PRRC1: variants seen among roughly 807,000 people sequenced by gnomAD.
PRRC1 encodes the protein proline rich coiled-coil 1, also known as protein PRRC1.
A neutral mutation model predicts 40.7 loss-of-function variants in PRRC1; 39 were observed. The observed-to-expected ratio is 0.96, with a 90% CI of 0.74 to 1.25. PRRC1 has a LOEUF of 1.25. Ranked by LOEUF, PRRC1 falls within the 50% of genes most tolerant of loss-of-function variation. The pLI, the probability that PRRC1 is intolerant of heterozygous loss-of-function variation, is 0.00. For missense variants in PRRC1, 573 were observed against 548.3 expected (o/e 1.05, Z -0.45); for synonymous variants, 175 against 193.3 (o/e 0.91, Z 0.79).
rs1708524035 is a variant in PRRC1 at position 127,524,776 on chromosome 5, C to T, written c.349C>T (p.Pro117Ser). The T allele has an allele frequency of 6.2e-7, 1 of 1,614,176 alleles. No homozygotes were observed. The highest frequency in any genetic ancestry group is 8.5e-7 in the Non-Finnish European group (1 of 1,180,028). ...TCACTTCCCACCTTCAACTTCTGCCCCAAACACTCTTTTACCTGCACCCCC... is the reference window on the plus strand; with the variant it reads ...TCACTTCCCACCTTCAACTTCTGCCTCAAACACTCTTTTACCTGCACCCCC... ...VSHFPPSTSA[P>S]NTLLPAPPSG... Residue 117 changes from proline to serine, a missense_variant, in exon 3 of 9, where the codon CCA becomes TCA. By Grantham distance (74) the Pro-to-Ser change is moderately conservative (BLOSUM62 -1). Coordinates refer to ENST00000296666, the MANE Select transcript of PRRC1 (RefSeq NM_130809.5).
chr5:127,536,582 T>C (rs1213863388), intron 6 of PRRC1, among the ~76,000 whole-genome samples: 3 of 152,030 alleles, frequency 2.0e-5, no homozygotes, highest in Non-Finnish European at 4.4e-5. Context: ...TTAGACAAAA[T>C]GGTGAGTACA....
intron 6 of PRRC1, among the ~76,000 whole-genome samples, chr5:127,534,060 A>G (rs952096737): frequency 6.6e-6 from 1 of 152,226 alleles, no homozygotes; most frequent in African/African-American, 2.4e-5. Flanking sequence ...TTCTTAATCC[A>G]GCATTAACAT....
chr5:127,545,866 TTC>T (rs368507973), intron 7 of PRRC1, among the ~76,000 whole-genome samples: 3 of 152,210 alleles, frequency 2.0e-5, no homozygotes, highest in East Asian at 1.9e-4. Context: ...TTTTAGGATT[TTC>T]TCTGTCGTTT....
intron 7 of PRRC1, among the ~76,000 whole-genome samples, chr5:127,547,314 A>G (rs1768253493): frequency 6.6e-6 from 1 of 152,154 alleles, no homozygotes; most frequent in South Asian, 2.1e-4. Flanking sequence ...AATAATTCAG[A>G]AATTGTGATT....
Position 127,533,484 on chromosome 5 carries a change from AG to A in PRRC1, c.758-138del, listed in dbSNP as rs1392510172. 2.6e-5 allele frequency: 20 copies of A among 777,280 alleles called. No homozygotes were observed. The African/African-American group carries it at 2.8e-4, about 11-fold the overall frequency. The allele number at this position is 777,280 out of a possible 1,614,324, so 48.1% of individuals were successfully genotyped here. On this transcript the variant is annotated intron_variant, in intron 5 of 8. Transcript: ENST00000296666. ...CTCAGTTTTCTCAAGCATATAAAAA[AG>A]ATAATGATCTATATCTTGCATGGTT... is the stretch of plus-strand genomic sequence containing the variant.
chr5:127,536,839 A>G (rs1407936938), intron 6 of PRRC1, among the ~76,000 whole-genome samples: 2 of 152,010 alleles, frequency 1.3e-5, no homozygotes, highest in African/African-American at 4.8e-5. Context: ...AATATATAAG[A>G]AAGTGATTTG....
chr5:127,549,604 A>G (rs1768318551), intron 8 of PRRC1: 1 of 152,210 alleles, frequency 6.6e-6, no homozygotes, highest in Admixed American at 6.5e-5. Flanking sequence ...AATAAATAAA[A>G]CACTGAAAAC....
chr5:127,520,229 A>G (rs1217506331), intron 1 of PRRC1, among the ~76,000 whole-genome samples: 1 of 152,222 alleles, frequency 6.6e-6, no homozygotes, highest in East Asian at 1.9e-4. Context: ...GACATTGCCA[A>G]GTGACCCCTT....
chr5:127,545,077 C>A (rs1000405185), intron 7 of PRRC1, among the ~76,000 whole-genome samples: 19 of 152,186 alleles, frequency 1.2e-4, no homozygotes, highest in African/African-American at 3.9e-4. Flanking sequence ...CACATCAAAA[C>A]CACAATGAGA....
chr5:127,545,337 CAT>C (rs1188498754), intron 7 of PRRC1, among the ~76,000 whole-genome samples: 1 of 152,028 alleles, frequency 6.6e-6, no homozygotes, highest in African/African-American at 2.4e-5. Context: ...CACATGCACA[CAT>C]ATGTTTATTG....
intron 4 of PRRC1, 77 bp from the exon 5 acceptor site, chr5:127,530,217 A>G (rs1767730418): frequency 7.7e-7 from 1 of 1,301,768 alleles, no homozygotes; most frequent in Non-Finnish European, 1.1e-6. Context: ...CTTTTAAAAA[A>G]GTTTTCTTCA....
At position 127,524,682 on chromosome 5, in the gene PRRC1, A is replaced by G. The variant is rs769405114; in HGVS notation, c.255A>G (p.Pro85=). Residue 85 remains proline, a synonymous_variant, in exon 3 of 9, where the codon CCA becomes CCG. Transcript: ENST00000296666. Reference sequence around the variant, plus strand: ...CTCCTGCAGTTCCTTCTGTCCCACCACTTGTTACTTCTATGCCACCTCCTG... The same window carrying G: ...CTCCTGCAGTTCCTTCTGTCCCACCGCTTGTTACTTCTATGCCACCTCCTG... The part of the protein sequence containing the change: ...VPPPAVPSVP[P]LVTSMPPPVS... 5.0e-6 allele frequency: 8 copies of G among 1,613,952 alleles called. No homozygotes were observed. The highest frequency in any genetic ancestry group is 6.8e-6 in the Non-Finnish European group (8 of 1,179,980).
chr5:127,534,035 G>C (rs569867469), intron 6 of PRRC1, among the ~76,000 whole-genome samples: 96 of 152,264 alleles, frequency 6.3e-4, no homozygotes, highest in African/African-American at 2.2e-3. Flanking sequence ...GGAATAGTTA[G>C]TCCTAAAAGA....
chr5:127,522,274 A>T (rs1163695954), intron 1 of PRRC1, among the ~76,000 whole-genome samples: 1 of 152,186 alleles, frequency 6.6e-6, no homozygotes, highest in Non-Finnish European at 1.5e-5. Context: ...ATCTAATGGC[A>T]TTTTTGCTAT....
chr5:127,524,951 G>A, intron 3 of PRRC1, 31 bp downstream of exon 3: 1 of 1,523,660 alleles, frequency 6.6e-7, no homozygotes, highest in South Asian at 1.3e-5. Flanking sequence ...GAAATACATG[G>A]CTATTAATTA....
At position 127,533,705 on chromosome 5, in the gene PRRC1, CT is replaced by C; in HGVS notation, c.843del (p.Phe281LeufsTer3). On this transcript the variant is annotated frameshift_variant, in exon 6 of 9. Transcript: ENST00000296666. LOFTEE classifies it high-confidence loss of function. ...AAVRDAFQEVFGLAVVVGEAG... is the reference protein window; with the variant it reads ...AAVRDAFQEVXGLAVVVGEAG... ...CTGTCCGAGATGCCTTCCAGGAGGTCTTTGGCTTAGCTGTGGTTGTAGGGGA... is the reference window on the plus strand; with the variant it reads ...CTGTCCGAGATGCCTTCCAGGAGGTCTTGGCTTAGCTGTGGTTGTAGGGGA... The C allele has an allele frequency of 1.2e-6, 2 of 1,614,066 alleles. No homozygotes were observed. The highest frequency in any genetic ancestry group is 1.7e-6 in the Non-Finnish European group (2 of 1,179,996).
chr5:127,527,774 A>AC (rs1330293000), intron 4 of PRRC1, among the ~76,000 whole-genome samples: 3 of 151,546 alleles, frequency 2.0e-5, no homozygotes, highest in Non-Finnish European at 2.9e-5. Flanking sequence ...AAAAAAAAAA[A>AC]AAAACCAAAA....
At chr5:127,532,257 C>T (rs1363595582) in intron 5 of PRRC1, among the ~76,000 whole-genome samples, 3 of 151,734 alleles carry the variant, frequency 2.0e-5, no homozygotes, top group Admixed American at 1.3e-4. Flanking sequence ...TACAGGTGCA[C>T]GCCACCATGC....
chr5:127,530,085 G>C (rs1323457649), intron 4 of PRRC1, among the ~76,000 whole-genome samples: 1 of 151,906 alleles, frequency 6.6e-6, no homozygotes, highest in Non-Finnish European at 1.5e-5. Flanking sequence ...GATTGCTGCT[G>C]GTCTACACAC....
Sources: allele counts gnomAD v4.1 joint callset (sites outside exome capture counted in the v4.1 genomes callset), GRCh38; gene constraint gnomAD v4.1.1; transcripts MANE v1.5; gene names NCBI Gene and HGNC (gene_info 2026-07-23, HGNC 2026-07-21).